The following RAD51B variants were observed in gnomAD, a reference collection of about 807,000 sequenced individuals.
RAD51B encodes RAD51 paralog B.
RAD51B carries 38 observed loss-of-function variants against 42.2 expected under a neutral mutation model. The ratio of observed to expected loss-of-function variants is 0.90; its 90% CI spans 0.70 to 1.18. The LOEUF (loss-of-function observed/expected upper bound fraction) is 1.18, where lower values mean the gene tolerates loss of function less well. Among genes scored for constraint, RAD51B ranks in the 50% most tolerant of loss-of-function variants. The probability of loss-of-function intolerance (pLI) is 0.00; values close to 1 mark genes in which losing one functional copy is unlikely to be tolerated. For missense variants in RAD51B, 373 were observed against 400.7 expected, an observed-to-expected ratio of 0.93 and a Z score of 0.59; for synonymous variants, 154 against 145.2, an observed-to-expected ratio of 1.06 and a Z score of -0.43.
At chr14:67,857,124 G>T (rs1454589953) in intron 4 of RAD51B, among the ~76,000 whole-genome samples, 1 of 151,904 alleles carries the variant, frequency 6.6e-6, no homozygotes, top group East Asian at 1.9e-4. Flanking sequence ...AATTATTAAT[G>T]TTGAAATGTT....
chr14:67,937,858 T>C (rs558438565), intron 7 of RAD51B, among the ~76,000 whole-genome samples: 4 of 152,134 alleles, frequency 2.6e-5, no homozygotes, highest in Non-Finnish European at 5.9e-5. Context: ...CATTAAGAAA[T>C]GGGCATATCT....
chr14:68,542,658 T>C (rs1025043532), intron 10 of RAD51B, among the ~76,000 whole-genome samples: 7 of 152,228 alleles, frequency 4.6e-5, no homozygotes, highest in Admixed American at 4.6e-4. Flanking sequence ...TCAATATTTA[T>C]ATCAAATGTT....
chr14:67,942,270 A>C lies in RAD51B; in HGVS notation c.756+55066A>C, dbSNP rs75624754. ...TGCTTCTCTTTGCTGATTTCTCTGAACTTTCCTTTTGAGATTTTTTCCTCT... is the reference window on the plus strand; with the variant it reads ...TGCTTCTCTTTGCTGATTTCTCTGACCTTTCCTTTTGAGATTTTTTCCTCT... On this transcript the variant is annotated intron_variant, in intron 7 of 10. Coordinates refer to ENST00000471583, the MANE Select transcript of RAD51B (RefSeq NM_133510.4). Among the ~76,000 whole-genome samples, 1,351 of 152,280 alleles carry C rather than the reference A, an allele frequency of 8.9e-3. 21 individuals carry two copies. Among genetic ancestry groups the C allele is most frequent in the African/African-American group, 0.031 (1,273 of 41,552 alleles).
At position 68,016,006 on chromosome 14, in the gene RAD51B, T is replaced by G. The variant is rs139199821; in HGVS notation, c.756+128802T>G. 8.3e-3 allele frequency among the ~76,000 whole-genome samples: 1,269 copies of G among 152,354 alleles called. 9 individuals carry two copies. The highest frequency in any genetic ancestry group is 0.014 in the Middle Eastern group (4 of 294). ...TTCTTTTGGCAGCTGTTGATAGTAATCATTTTGTATCTTGTTAAATCATTA... is the reference window on the plus strand; with the variant it reads ...TTCTTTTGGCAGCTGTTGATAGTAAGCATTTTGTATCTTGTTAAATCATTA... On this transcript the variant is annotated intron_variant, in intron 7 of 10. Transcript: ENST00000471583.
At chr14:68,393,162 CATT>C (rs1170507153) in intron 8 of RAD51B, among the ~76,000 whole-genome samples, 1 of 152,120 alleles carries the variant, frequency 6.6e-6, no homozygotes, top group Admixed American at 6.5e-5. Flanking sequence ...CCGTGGAAAA[CATT>C]ATTAGCTGGA....
chr14:68,219,562 C>T (rs1401027205), intron 7 of RAD51B, among the ~76,000 whole-genome samples: 1 of 152,064 alleles, frequency 6.6e-6, no homozygotes, highest in African/African-American at 2.4e-5. Flanking sequence ...CCCAAGAGCT[C>T]CACTAGATGG....
intron 8 of RAD51B, among the ~76,000 whole-genome samples, chr14:68,367,940 A>G (rs1241403885): frequency 7.9e-5 from 12 of 152,246 alleles, no homozygotes; most frequent in Non-Finnish European, 1.6e-4. Context: ...GACCTCTGAC[A>G]ATCACATAGA....
At chr14:68,189,508 C>T (rs976615843) in intron 7 of RAD51B, among the ~76,000 whole-genome samples, 3 of 152,122 alleles carry the variant, frequency 2.0e-5, no homozygotes, top group African/African-American at 7.2e-5. Context: ...AAACAAATTT[C>T]ATCCATTTTT....
At chr14:67,950,995 G>A (rs1261764073) in intron 7 of RAD51B, among the ~76,000 whole-genome samples, 1 of 152,176 alleles carries the variant, frequency 6.6e-6, no homozygotes, top group Non-Finnish European at 1.5e-5. Flanking sequence ...CAGGAGTGTG[G>A]TTGGTGGTAC....
intron 7 of RAD51B, among the ~76,000 whole-genome samples, chr14:68,030,521 C>T (rs2076024870): frequency 6.6e-6 from 1 of 152,208 alleles, no homozygotes; most frequent in African/African-American, 2.4e-5. Context: ...GCAGCTTCCT[C>T]ACCTCTCTCA....
intron 7 of RAD51B, among the ~76,000 whole-genome samples, chr14:68,104,758 C>T (rs2077348382): frequency 6.6e-6 from 1 of 152,094 alleles, no homozygotes; most frequent in Non-Finnish European, 1.5e-5. Context: ...ACTTCATTCA[C>T]TTTTGATGAA....
intron 7 of RAD51B, among the ~76,000 whole-genome samples, chr14:68,224,417 A>G (rs17105203): frequency 0.019 from 2,932 of 152,200 alleles, 101 homozygotes; most frequent in African/African-American, 0.067. Flanking sequence ...CTCATGGATT[A>G]CTTCTGCTTG....
chr14:67,971,478 C>T (rs1950766), intron 7 of RAD51B, among the ~76,000 whole-genome samples: 14,805 of 152,062 alleles, frequency 0.097, 1,990 homozygotes, highest in African/African-American at 0.3. Context: ...ATCTGTTGTT[C>T]TTCCTTTCCT....
chr14:67,865,255 T>TTTTTCAATA, intron 5 of RAD51B, 116 bp downstream of exon 5: 1 of 943,714 alleles, frequency 1.1e-6, no homozygotes, highest in South Asian at 2.6e-5. Context: ...TTTTTTTTTT[T>TTTTTCAATA]GAGATGGAGT....
chr14:68,509,414 T>G (rs1342081274), intron 10 of RAD51B, among the ~76,000 whole-genome samples: 1 of 152,240 alleles, frequency 6.6e-6, no homozygotes, highest in East Asian at 1.9e-4. Flanking sequence ...AGTGAGTTGC[T>G]TTATCTCAGT....
At chr14:67,993,618 A>G (rs1465717952) in intron 7 of RAD51B, among the ~76,000 whole-genome samples, 1 of 152,184 alleles carries the variant, frequency 6.6e-6, no homozygotes, top group Admixed American at 6.5e-5. Flanking sequence ...GGGTGCTTCC[A>G]AATCTCGGCT....
chr14:68,029,678 T>G (rs1178678246), intron 7 of RAD51B, among the ~76,000 whole-genome samples: 1 of 152,234 alleles, frequency 6.6e-6, no homozygotes, highest in African/African-American at 2.4e-5. Context: ...TCTTCACTCC[T>G]GTGCATGTTG....
At chr14:68,289,865 G>A (rs771611670) in intron 7 of RAD51B, among the ~76,000 whole-genome samples, 8 of 152,132 alleles carry the variant, frequency 5.3e-5, no homozygotes, top group Non-Finnish European at 8.8e-5. Context: ...GTAGCAATAC[G>A]AAAGAATATG....
rs185784020 is a variant in RAD51B at position 68,308,697 on chromosome 14, G to C, written c.853+16717G>C. On this transcript the variant is annotated intron_variant, in intron 8 of 10. Transcript: ENST00000471583. ...TTTTCCTTCACTGTCATTTATATCT[G>C]TGTCATTAAAAAAAAAAAAAAAAAA... is the stretch of plus-strand genomic sequence containing the variant. Among the ~76,000 whole-genome samples, 49 of 91,416 alleles carry C rather than the reference G, an allele frequency of 5.4e-4. 1 individual carries two copies. In the East Asian group the frequency reaches 0.014, roughly 26 times the overall value. The allele number at this position is 91,416 out of a possible 152,430, so 60.0% of individuals were successfully genotyped here. A position where few individuals can be genotyped will look rare whatever the true frequency, so the allele number is the denominator to read the frequency against.
Sources: allele counts gnomAD v4.1 joint callset (sites outside exome capture counted in the v4.1 genomes callset), GRCh38; gene constraint gnomAD v4.1.1; transcripts MANE v1.5; gene names NCBI Gene and HGNC (gene_info 2026-07-23, HGNC 2026-07-21).